The following AK9 variants were observed in gnomAD, a reference collection of about 807,000 sequenced individuals.
AK9 encodes the protein adenylate kinase 9.
In AK9, 191 loss-of-function variants were observed where a neutral mutation model predicts 239.6. The ratio of observed to expected loss-of-function variants is 0.80; its 90% CI spans 0.71 to 0.90. The LOEUF (loss-of-function observed/expected upper bound fraction) is 0.90. Among genes scored for constraint, AK9 ranks in the 40% least tolerant of loss-of-function variants. AK9 has a pLI of 0.00. For missense variants in AK9, 1,995 were observed against 2,214.7 expected (o/e 0.90, Z 1.99); for synonymous variants, 689 against 721.0 (o/e 0.96, Z 0.71).
At chr6:109,638,162 C>T (rs572669855) in intron 10 of AK9, among the ~76,000 whole-genome samples, 1 of 152,224 alleles carries the variant, frequency 6.6e-6, no homozygotes. Flanking sequence ...CCCATGCATG[C>T]AATGCTTTCT....
intron 32 of AK9, among the ~76,000 whole-genome samples, chr6:109,510,841 C>T (rs538788822): frequency 2.0e-5 from 3 of 152,308 alleles, no homozygotes; most frequent in African/African-American, 7.2e-5. Flanking sequence ...TAGTAAAAAA[C>T]AAAACTCTAA....
At position 109,633,108 on chromosome 6, in the gene AK9, A is replaced by G; in HGVS notation, c.1074-5T>C. On this transcript the variant is annotated splice_region_variant and splice_polypyrimidine_tract_variant and intron_variant, in intron 11 of 40. Coordinates refer to ENST00000424296, the MANE Select transcript of AK9 (RefSeq NM_001145128.3). ...CAGTAGATTTTACCTAGAAAACTTA[A>G]AATATGCCATATTAGTAAACAACTG... 6.5e-7 allele frequency: 1 copy of G among 1,548,616 alleles called. No individual in the cohort carries two copies. The highest frequency in any genetic ancestry group is 8.7e-7 in the Non-Finnish European group (1 of 1,155,676).
intron 1 of AK9, among the ~76,000 whole-genome samples, chr6:109,682,279 T>C (rs1772772322): frequency 6.6e-6 from 1 of 151,622 alleles, no homozygotes; most frequent in Non-Finnish European, 1.5e-5. Flanking sequence ...TACAAAAAAT[T>C]AGCCAGGCGT....
At chr6:109,569,882 A>G (rs536073816) in intron 21 of AK9, among the ~76,000 whole-genome samples, 18 of 152,322 alleles carry the variant, frequency 1.2e-4, no homozygotes, top group Non-Finnish European at 2.4e-4. Context: ...CGATTCCTCA[A>G]GGATCTAGAA....
intron 27 of AK9, among the ~76,000 whole-genome samples, chr6:109,536,048 C>A (rs537361064): frequency 2.6e-5 from 4 of 152,266 alleles, no homozygotes; most frequent in South Asian, 4.1e-4. Context: ...GTGATGCCTC[C>A]AGCTTTGTTC....
chr6:109,607,114 TGG>T (rs1383562873), intron 17 of AK9, among the ~76,000 whole-genome samples: 2 of 152,072 alleles, frequency 1.3e-5, no homozygotes, highest in Non-Finnish European at 2.9e-5. Flanking sequence ...GTTTTTAAAA[TGG>T]GATAAAAAAT....
chr6:109,691,132 TCC>T lies in AK9; in HGVS notation c.-12+13_-12+14del. On this transcript the variant is annotated intron_variant, in intron 1 of 40. Transcript: ENST00000424296. ...GTCGACTTTTTCTCCGCCCATGTTT[TCC>T]TCCAATCCTTACCAAAGATGGTGCC... The T allele has an allele frequency of 5.7e-6, 3 of 529,258 alleles. No homozygotes were observed. In the South Asian group the frequency reaches 7.4e-5, roughly 13 times the overall value. The allele number at this position is 529,258 out of a possible 1,614,324, so 32.8% of individuals were successfully genotyped here.
chr6:109,506,543 G>T lies in AK9; in HGVS notation c.4633C>A (p.Pro1545Thr), dbSNP rs749494448. The T allele has an allele frequency of 9.5e-6, 15 of 1,578,254 alleles. No homozygotes were observed. The South Asian group carries it at 1.6e-4, about 17-fold the overall frequency. ...LLEKENEQRL[P>T]YPLHNSAQIV... ...TGTGCACTATTGTGCAATGGATAAG[G>T]CAATCTAATAGGGAAACAGAGAAGG... The change falls in exon 35 of 41, where the codon CCT (proline) becomes ACT (threonine). Residue 1545 changes from proline (P) to threonine (T), a missense_variant. By Grantham distance (38) the Pro-to-Thr change is conservative (BLOSUM62 -1). Around this residue, in one of 5 missense-constraint regions of AK9, gnomAD observed 391 missense variants for 456.0 expected, o/e 0.86. Transcript: ENST00000424296.
At chr6:109,649,419 A>C (rs1275281102) in intron 8 of AK9, among the ~76,000 whole-genome samples, 1 of 152,110 alleles carries the variant, frequency 6.6e-6, no homozygotes, top group Non-Finnish European at 1.5e-5. Flanking sequence ...TCAATGTATA[A>C]AAATCACAAG....
At chr6:109,563,410 T>C (rs1401350594) in intron 24 of AK9, among the ~76,000 whole-genome samples, 187 bp downstream of exon 24, 3 of 152,228 alleles carry the variant, frequency 2.0e-5, no homozygotes, top group Non-Finnish European at 2.9e-5. Context: ...TATCTTTTCA[T>C]GAGTCTTTTT....
chr6:109,601,433 T>G (rs1791945574), intron 17 of AK9, among the ~76,000 whole-genome samples: 1 of 152,246 alleles, frequency 6.6e-6, no homozygotes. Context: ...TGCACTGTGG[T>G]CTGAGAGACA....
intron 21 of AK9, among the ~76,000 whole-genome samples, chr6:109,568,833 T>C (rs1186009882): frequency 6.6e-6 from 1 of 152,122 alleles, no homozygotes; most frequent in Non-Finnish European, 1.5e-5. Context: ...AGAATCAATA[T>C]TGTGAAAATG....
intron 5 of AK9, among the ~76,000 whole-genome samples, chr6:109,666,880 G>A (rs1280691586): frequency 6.6e-6 from 1 of 152,170 alleles, no homozygotes; most frequent in Non-Finnish European, 1.5e-5. Context: ...GGTGACCAAT[G>A]ACTTGCAAGA....
intron 32 of AK9, among the ~76,000 whole-genome samples, chr6:109,511,654 C>T (rs1778762041): frequency 6.6e-6 from 1 of 152,102 alleles, no homozygotes; most frequent in East Asian, 1.9e-4. Context: ...TACTCAGAAC[C>T]CTACTCATCC....
chr6:109,649,855 C>A (rs1448684436), intron 8 of AK9, among the ~76,000 whole-genome samples: 2 of 152,166 alleles, frequency 1.3e-5, no homozygotes, highest in Non-Finnish European at 2.9e-5. Flanking sequence ...CTACAGTAAC[C>A]AAAACAGTGT....
intron 29 of AK9, chr6:109,528,118 G>C (rs1355777153): frequency 5.0e-6 from 1 of 198,022 alleles, no homozygotes; most frequent in Non-Finnish European, 1.0e-5. Context: ...CTGGAGAAGG[G>C]ATACTGCGTA....
At chr6:109,606,826 A>C (rs927079645) in intron 17 of AK9, among the ~76,000 whole-genome samples, 1 of 152,162 alleles carries the variant, frequency 6.6e-6, no homozygotes, top group Admixed American at 6.5e-5. Flanking sequence ...GAACAAAATA[A>C]TTTCTGTGCA....
intron 10 of AK9, among the ~76,000 whole-genome samples, chr6:109,635,204 C>A (rs539332685): frequency 6.6e-6 from 1 of 152,134 alleles, no homozygotes; most frequent in African/African-American, 2.4e-5. Flanking sequence ...CCAGTTACAG[C>A]TACACAGTTT....
Position 109,548,239 on chromosome 6 carries a change from T to A in AK9, c.2964+1851A>T, listed in dbSNP as rs577948798. Among the ~76,000 whole-genome samples the A allele has an allele frequency of 3.3e-5, 5 of 152,232 alleles. No individual in the cohort carries two copies. In the South Asian group the frequency reaches 1.0e-3, roughly 32 times the overall value. On this transcript the variant is annotated intron_variant, in intron 25 of 40. Coordinates refer to ENST00000424296, the MANE Select transcript of AK9 (RefSeq NM_001145128.3). Reference sequence around the variant, plus strand: ...TGACAAAACTATGCATGGATTCACTTTTTTTTGCACCAAATAAACTCATAT... The same window carrying A: ...TGACAAAACTATGCATGGATTCACTATTTTTTGCACCAAATAAACTCATAT...
Sources: gnomAD v4.1 joint callset for allele counts (sites outside exome capture counted in the v4.1 genomes callset) on GRCh38, gnomAD v4.1.1 for gene constraint, gnomAD v4.1.1 regional missense constraint, MANE v1.5 for transcripts, NCBI Gene and HGNC (gene_info 2026-07-23, HGNC 2026-07-21) for gene names.